APOBEC3B: variants seen among roughly 807,000 people sequenced by gnomAD.
APOBEC3B encodes DNA dC->dU-editing enzyme APOBEC-3B.
A neutral mutation model predicts 53.4 loss-of-function variants in APOBEC3B; 29 were observed. The ratio of observed to expected loss-of-function variants is 0.54; its 90% CI spans 0.40 to 0.74. APOBEC3B has a LOEUF of 0.74. Among genes scored for constraint, APOBEC3B ranks in the 30% least tolerant of loss-of-function variants. APOBEC3B has a pLI of 0.00. For missense variants in APOBEC3B, 347 were observed against 496.2 expected (o/e 0.70, Z 2.86); for synonymous variants, 132 against 184.8 (o/e 0.71, Z 2.32).
intron 1 of APOBEC3B, among the ~76,000 whole-genome samples, 195 bp from the exon 2 acceptor site, chr22:38,983,880 C>T (rs1459935982): frequency 1.3e-5 from 2 of 148,240 alleles, no homozygotes; most frequent in Non-Finnish European, 3.0e-5. Flanking sequence ...GAGATCACCC[C>T]AGCCCGCCTG....
chr22:38,983,104 G>A (rs1293395704), intron 1 of APOBEC3B, among the ~76,000 whole-genome samples: 1 of 148,092 alleles, frequency 6.8e-6, no homozygotes, highest in African/African-American at 2.5e-5. Context: ...GGATCATGAG[G>A]TCGGGAGTTT....
chr22:38,984,561 ATATAGT>A lies in APOBEC3B; in HGVS notation c.174+335_174+340del, dbSNP rs1603267478. ...CTGGCTAAATACAGACATTTGTAAA[ATATAGT>A]TATAATGGTTCTGGAAAGGAGAGAC... On this transcript the variant is annotated intron_variant, in intron 2 of 7. Transcript: ENST00000333467. Among the ~76,000 whole-genome samples, 2 of 148,934 alleles carry A rather than the reference ATATAGT, an allele frequency of 1.3e-5. 1 individual carries two copies. Among genetic ancestry groups the A allele is most frequent in the African/African-American group, 4.9e-5 (2 of 40,958 alleles).
At chr22:38,984,753 A>T (rs1294666351) in intron 2 of APOBEC3B, among the ~76,000 whole-genome samples, 1 of 148,164 alleles carries the variant, frequency 6.7e-6, no homozygotes, top group East Asian at 2.2e-4. Context: ...GCAGAGGAAA[A>T]CTTGTTCTTC....
At chr22:38,984,895 CTTTT>C (rs11308471) in intron 2 of APOBEC3B, among the ~76,000 whole-genome samples, 1 of 84,834 alleles carries the variant, frequency 1.2e-5, no homozygotes, top group African/African-American at 4.4e-5. Context: ...TCTTTTTTTC[CTTTT>C]TTTTTTTTTT....
chr22:38,986,873 A>C (rs1923762592), intron 4 of APOBEC3B, among the ~76,000 whole-genome samples: 1 of 148,322 alleles, frequency 6.7e-6, no homozygotes, highest in Non-Finnish European at 1.5e-5. Flanking sequence ...GTGTGAAGGC[A>C]TGGGGGAAGG....
At chr22:38,990,739 G>A (rs1923958593) in intron 5 of APOBEC3B, among the ~76,000 whole-genome samples, 1 of 146,484 alleles carries the variant, frequency 6.8e-6, no homozygotes, top group Admixed American at 7.0e-5. Flanking sequence ...TGGGAGTAGG[G>A]GAGTTGATGA....
Position 38,983,712 on chromosome 22 carries a change from G to A in APOBEC3B, c.18-363G>A, listed in dbSNP as rs1923621480. On this transcript the variant is annotated intron_variant, in intron 1 of 7. Transcript: ENST00000333467. Reference sequence around the variant, plus strand: ...TGTTAACACGCAGAGTGAAACATCAGGAAGGAATTGAGCTGAAAGGTTAAA... The same window carrying A: ...TGTTAACACGCAGAGTGAAACATCAAGAAGGAATTGAGCTGAAAGGTTAAA... Among the ~76,000 whole-genome samples, 3 of 149,300 alleles carry A rather than the reference G, an allele frequency of 2.0e-5. 1 individual carries two copies. In the South Asian group the frequency reaches 6.5e-4, roughly 33 times the overall value.
Position 38,987,267 on chromosome 22 carries a change from CT to C in APOBEC3B, c.569+856del, listed in dbSNP as rs938301980. On this transcript the variant is annotated intron_variant, in intron 4 of 7. Transcript: ENST00000333467. ...GCTGGGCCTCAGCCCTGGCCTCCCC[CT>C]GTCCCAGCCCCAGCCCTGGGCTCTC... 9.4e-5 allele frequency among the ~76,000 whole-genome samples: 14 copies of C among 148,508 alleles called. 1 individual carries two copies. Among genetic ancestry groups the C allele is most frequent in the African/African-American group, 3.4e-4 (14 of 40,810 alleles).
rs184010567 is a variant in APOBEC3B, at chr22:38,988,946, G to A, written c.570-511G>A. ...GAGACCTCATGGCATCCAAAGGGAC[G>A]TGGAAAATGCTATGAATTATCCAAA... On this transcript the variant is annotated intron_variant, in intron 4 of 7. Coordinates refer to ENST00000333467, the MANE Select transcript of APOBEC3B (RefSeq NM_004900.5). Among the ~76,000 whole-genome samples the A allele has an allele frequency of 3.3e-3, 484 of 146,448 alleles. 22 individuals carry two copies. Among genetic ancestry groups the A allele is most frequent in the African/African-American group, 0.011 (451 of 40,278 alleles).
chr22:38,983,160 A>G (rs1923599913), intron 1 of APOBEC3B, among the ~76,000 whole-genome samples: 1 of 147,874 alleles, frequency 6.8e-6, no homozygotes, highest in African/African-American at 2.5e-5. Context: ...CTACTAAAAA[A>G]CATACAAAAA....
At position 38,988,852 on chromosome 22, in the gene APOBEC3B, C is replaced by T. The variant is rs559401958; in HGVS notation, c.570-605C>T. Among the ~76,000 whole-genome samples, 14 of 146,210 alleles carry T rather than the reference C, an allele frequency of 9.6e-5. 1 individual carries two copies. Among genetic ancestry groups the T allele is most frequent in the African/African-American group, 3.5e-4 (14 of 40,272 alleles). On this transcript the variant is annotated intron_variant, in intron 4 of 7. Transcript: ENST00000333467. ...CTACAGAGGGGCCGGGAGAGGCCTTCAAGGTGGGGCTGGTGTTTCCAGCCC... is the reference window on the plus strand; with the variant it reads ...CTACAGAGGGGCCGGGAGAGGCCTTTAAGGTGGGGCTGGTGTTTCCAGCCC...
Position 38,984,191 on chromosome 22 carries a change from G to T in APOBEC3B, c.134G>T (p.Arg45Leu). ...TATGAAGTGAAAATAAAGAGGGGCCGCTCAAATCTCCTTTGGGACACAGGG... is the reference window on the plus strand; with the variant it reads ...TATGAAGTGAAAATAAAGAGGGGCCTCTCAAATCTCCTTTGGGACACAGGG... ...LCYEVKIKRG[R>L]SNLLWDTGVF... is the part of the protein sequence containing the mutation. Residue 45 changes from arginine to leucine, a missense_variant, in exon 2 of 8, where the codon CGC becomes CTC. Arg to Leu is a moderately radical substitution (Grantham distance 102). Transcript: ENST00000333467. 6.3e-7 allele frequency: 1 copy of T among 1,592,452 alleles called. No individual in the cohort carries two copies. The highest frequency in any genetic ancestry group is 8.5e-7 in the Non-Finnish European group (1 of 1,172,370).
In APOBEC3B at chr22:38,986,586, C is replaced by T. The variant is rs1197321755; in HGVS notation, c.569+174C>T. 2.0e-5 allele frequency among the ~76,000 whole-genome samples: 3 copies of T among 147,184 alleles called. 1 individual carries two copies. Among genetic ancestry groups the T allele is most frequent in the Non-Finnish European group, 4.5e-5 (3 of 66,920 alleles). On this transcript the variant is annotated intron_variant, in intron 4 of 7. Coordinates refer to ENST00000333467, the MANE Select transcript of APOBEC3B (RefSeq NM_004900.5). ...TCCACACTGCCTCCTCCCTGCTTTC[C>T]TGGGCCCTTCCTGTGAGTAAGAGGC...
intron 4 of APOBEC3B, among the ~76,000 whole-genome samples, chr22:38,988,548 A>C (rs1173422103): frequency 1.4e-5 from 2 of 147,944 alleles, no homozygotes; most frequent in African/African-American, 2.5e-5. Flanking sequence ...TTTTCTTGAG[A>C]ACACAAAGCA....
rs976222605 is a variant in APOBEC3B at position 38,990,215 on chromosome 22, T to C, written c.723+605T>C. Among the ~76,000 whole-genome samples the C allele has an allele frequency of 5.4e-5, 8 of 147,992 alleles. 2 individuals are homozygous for C. The highest frequency in any genetic ancestry group is 1.0e-4 in the Non-Finnish European group (7 of 67,104). On this transcript the variant is annotated intron_variant, in intron 5 of 7. Transcript: ENST00000333467. ...AGAGGCCAAGTTCTGCTTGGCTCTG[T>C]TGCTGGAAACTGGGGGCTTCTCTGG... is the stretch of plus-strand genomic sequence containing the variant.
rs751281538 is a variant in APOBEC3B at position 38,989,584 on chromosome 22, C to G, written c.697C>G (p.Gln233Glu). The change falls in exon 5 of 8, where the codon CAG becomes GAG. Residue 233 changes from glutamine (Q) to glutamate (E), a missense_variant. Around this residue, in one of 5 missense-constraint regions of APOBEC3B, gnomAD observed 156 missense variants for 166.7 expected, o/e 0.94. Coordinates refer to ENST00000333467, the MANE Select transcript of APOBEC3B (RefSeq NM_004900.5). ...CAATGGCACCTGGGTCCTGATGGAC[C>G]AGCACATGGGCTTTCTATGCAACGA... ...LDNGTWVLMD[Q>E]HMGFLCNEAK... 9.5e-6 allele frequency: 15 copies of G among 1,585,344 alleles called. 1 individual carries two copies. Among genetic ancestry groups the G allele is most frequent in the Non-Finnish European group, 1.2e-5 (14 of 1,167,256 alleles).
intron 4 of APOBEC3B, among the ~76,000 whole-genome samples, chr22:38,986,811 C>T (rs1254939050): frequency 6.7e-6 from 1 of 148,794 alleles, no homozygotes; most frequent in South Asian, 2.2e-4. Flanking sequence ...CCTGGGGGGA[C>T]ATCTGAGGGC....
intron 1 of APOBEC3B, among the ~76,000 whole-genome samples, chr22:38,982,696 C>T (rs766157877): frequency 7.4e-5 from 11 of 148,082 alleles, no homozygotes; most frequent in Non-Finnish European, 1.3e-4. Context: ...GCCCAGGCCC[C>T]GTGCTGAGAC....
At chr22:38,988,748 C>CTTTCCTTCTTTCTTTCTTTCTTTCTTT (rs1317657637) in intron 4 of APOBEC3B, among the ~76,000 whole-genome samples, 1 of 65,954 alleles carries the variant, frequency 1.5e-5, no homozygotes, top group South Asian at 6.0e-4. Context: ...TTTCTTTCTT[C>CTTTCCTTCTTTCTTTCTTTCTTTCTTT]CTTTCTTCTC....
Sources: gnomAD v4.1 joint callset for allele counts (sites outside exome capture counted in the v4.1 genomes callset) on GRCh38, gnomAD v4.1.1 for gene constraint, gnomAD v4.1.1 regional missense constraint, MANE v1.5 for transcripts, NCBI Gene and HGNC (gene_info 2026-07-23, HGNC 2026-07-21) for gene names.